Variants in ACOT8 observed in about 807,000 individuals in gnomAD.
ACOT8 encodes acyl-coenzyme A thioesterase 8.
Under a neutral mutation model 38.4 loss-of-function variants are expected in ACOT8, and 31 were observed. That is an observed-to-expected ratio of 0.81 (90% CI 0.61 to 1.09). ACOT8 has a LOEUF of 1.09. ACOT8 is among the 50% of genes least tolerant of loss of function. ACOT8 has a pLI of 0.00. For missense variants in ACOT8, 373 were observed against 421.8 expected (o/e 0.88, Z 1.01); for synonymous variants, 158 against 170.3 (o/e 0.93, Z 0.56).
intron 2 of ACOT8, chr20:45,853,778 A>AG (rs1242061475): frequency 8.5e-6 from 4 of 471,418 alleles, no homozygotes; most frequent in East Asian, 7.5e-5. Context: ...GGCCGAGAAG[A>AG]GGGGGGCCAA....
chr20:45,853,974 G>C, intron 2 of ACOT8: 1 of 1,304,306 alleles, frequency 7.7e-7, no homozygotes, highest in Non-Finnish European at 1.0e-6. Flanking sequence ...GAACACATGA[G>C]GGCATCTGCT....
At chr20:45,845,584 C>T (rs1984626709) in intron 3 of ACOT8, among the ~76,000 whole-genome samples, 1 of 152,194 alleles carries the variant, frequency 6.6e-6, no homozygotes, top group South Asian at 2.1e-4. Context: ...TGCATCCCCC[C>T]AGGGGGAGGA....
chr20:45,848,794 T>A (rs995109600), intron 2 of ACOT8, 119 bp from the exon 3 acceptor site: 12 of 912,010 alleles, frequency 1.3e-5, no homozygotes, highest in African/African-American at 1.2e-4. Flanking sequence ...AACTGAGGTC[T>A]GCTAAGGTCC....
rs769520033 is a variant in ACOT8, at chr20:45,842,029, A to G, written c.842-73T>C. On this transcript the variant is annotated intron_variant, in intron 5 of 5. Transcript: ENST00000217455. ...ATACACTTTTTTTTTTTTTCCTGAA[A>G]CAGAGTCTCACTAAGTTGCCAGGCT... 4.5e-6 allele frequency: 7 copies of G among 1,568,678 alleles called. No homozygotes were observed. In the South Asian group the frequency reaches 8.1e-5, roughly 18 times the overall value.
intron 2 of ACOT8, among the ~76,000 whole-genome samples, chr20:45,849,975 G>A (rs1370754090): frequency 6.6e-6 from 1 of 152,146 alleles, no homozygotes; most frequent in Non-Finnish European, 1.5e-5. Flanking sequence ...TTGGGAGGCT[G>A]AGGCGGGCAG....
chr20:45,847,132 C>T (rs1984733866), intron 3 of ACOT8, among the ~76,000 whole-genome samples: 1 of 152,054 alleles, frequency 6.6e-6, no homozygotes, highest in Non-Finnish European at 1.5e-5. Flanking sequence ...ATTGCTTGAA[C>T]CTGGGAGGCA....
At chr20:45,849,936 C>T (rs887289444) in intron 2 of ACOT8, among the ~76,000 whole-genome samples, 5 of 152,190 alleles carry the variant, frequency 3.3e-5, no homozygotes, top group African/African-American at 7.2e-5. Flanking sequence ...TGGCTGGGCA[C>T]GGTGGCTCAC....
At chr20:45,847,993 T>G (rs942694530) in intron 3 of ACOT8, 1 of 152,054 alleles carries the variant, frequency 6.6e-6, no homozygotes, top group African/African-American at 2.4e-5. Flanking sequence ...CCCAGGCTGG[T>G]CTTGAACTCC....
intron 4 of ACOT8, chr20:45,844,032 G>A (rs998600340): frequency 2.7e-5 from 21 of 786,826 alleles, no homozygotes; most frequent in Middle Eastern, 3.5e-4. Flanking sequence ...CAACCCCAGC[G>A]AGGTGCCTTT....
intron 2 of ACOT8, among the ~76,000 whole-genome samples, chr20:45,850,206 C>G (rs1984973673): frequency 6.6e-6 from 1 of 152,038 alleles, no homozygotes; most frequent in Non-Finnish European, 1.5e-5. Context: ...CGAAATTGCA[C>G]CACTGCACTC....
Position 45,856,562 on chromosome 20 carries a change from C to T in ACOT8, c.128+626G>A, listed in dbSNP as rs561107028. Among the ~76,000 whole-genome samples the T allele has an allele frequency of 5.9e-5, 9 of 152,226 alleles. 1 individual carries two copies. In the East Asian group the frequency reaches 1.6e-3, roughly 26 times the overall value. On this transcript the variant is annotated intron_variant, in intron 1 of 5. Coordinates refer to ENST00000217455, the MANE Select transcript of ACOT8 (RefSeq NM_005469.4). ...GCTGGGCTGTGGCGCGCCTGTATGT[C>T]CCAGCTAATCAGGAGGCTGAGGCAG...
At position 45,855,286 on chromosome 20, in the gene ACOT8, C is replaced by T; in HGVS notation, c.135G>A (p.Arg45=). 1 of 1,614,100 alleles carries T rather than the reference C, an allele frequency of 6.2e-7. No homozygotes were observed. Among genetic ancestry groups the T allele is most frequent in the Non-Finnish European group, 8.5e-7 (1 of 1,180,034 alleles). Residue 45 remains arginine, a synonymous_variant, in exon 2 of 6, where the codon AGG becomes AGA. Coordinates refer to ENST00000217455, the MANE Select transcript of ACOT8 (RefSeq NM_005469.4). ...GCCTCTTGGCCGGTACCCAGTAATG[C>T]CTTCCTCTGTAGGGAGAGGGGGAAA... ...EPLDEDLFRG[R]HYWVPAKRLF...
At chr20:45,842,184 G>T in intron 5 of ACOT8, 6 of 1,495,816 alleles carry the variant, frequency 4.0e-6, no homozygotes, top group Non-Finnish European at 5.3e-6. Context: ...GGGCAGGGCT[G>T]CCCCACACAA....
chr20:45,854,489 G>A (rs752428365), intron 2 of ACOT8, among the ~76,000 whole-genome samples: 5 of 152,160 alleles, frequency 3.3e-5, no homozygotes, highest in Non-Finnish European at 7.4e-5. Context: ...GATTACAGGC[G>A]TGAGCCACCG....
intron 4 of ACOT8, chr20:45,843,948 C>A: frequency 3.3e-6 from 3 of 920,624 alleles, no homozygotes; most frequent in Non-Finnish European, 4.8e-6. Context: ...AAGTCTCCCA[C>A]TCTAGGCCCC....
chr20:45,848,843 G>C (rs1984876377), intron 2 of ACOT8, 168 bp from the exon 3 acceptor site: 1 of 536,878 alleles, frequency 1.9e-6, no homozygotes, highest in Admixed American at 3.6e-5. Flanking sequence ...CCTGTCATCA[G>C]GCTTCTCCCT....
chr20:45,855,041 C>T (rs765288465), intron 2 of ACOT8, 118 bp downstream of exon 2: 28 of 1,426,770 alleles, frequency 2.0e-5, no homozygotes, highest in South Asian at 6.6e-5. Context: ...TGGTAGTGTC[C>T]GCCACCCCTC....
chr20:45,842,009 C>T, intron 5 of ACOT8, 53 bp from the exon 6 acceptor site: 1 of 1,477,892 alleles, frequency 6.8e-7, no homozygotes. Context: ...GCCAAATACA[C>T]TTTTTTTTTT....
At chr20:45,848,814 G>T in intron 2 of ACOT8, 139 bp from the exon 3 acceptor site, 1 of 691,204 alleles carries the variant, frequency 1.4e-6, no homozygotes, top group Non-Finnish European at 2.2e-6. Flanking sequence ...CAGGCCCAGG[G>T]ATACAGAGAC....
Sources: allele counts gnomAD v4.1 joint callset (sites outside exome capture counted in the v4.1 genomes callset), GRCh38; gene constraint gnomAD v4.1.1; transcripts MANE v1.5; gene names NCBI Gene and HGNC (gene_info 2026-07-23, HGNC 2026-07-21).